The following PBX3 variants were observed in gnomAD, a reference collection of about 807,000 sequenced individuals.
PBX3 encodes PBX homeobox 3.
PBX3 carries 14 observed loss-of-function variants against 48.5 expected under a neutral mutation model. The ratio of observed to expected loss-of-function variants is 0.29; its 90% CI spans 0.19 to 0.45. The LOEUF (loss-of-function observed/expected upper bound fraction) is 0.45, where lower values mean the gene tolerates loss of function less well. Among genes scored for constraint, PBX3 ranks in the 20% least tolerant of loss-of-function variants. PBX3 has a pLI of 1.00. For synonymous variants in PBX3, 210 were observed against 200.3 expected (o/e 1.05, Z -0.41); for missense variants, 386 against 546.7 (o/e 0.71, Z 2.93).
chr9:125,756,035 C>A (rs1283546167), intron 2 of PBX3, among the ~76,000 whole-genome samples: 2 of 151,906 alleles, frequency 1.3e-5, no homozygotes, highest in African/African-American at 4.8e-5. Flanking sequence ...AATTGAACTT[C>A]ACAAGGATAT....
chr9:125,952,060 G>C (rs1842206719), intron 5 of PBX3, among the ~76,000 whole-genome samples: 1 of 152,148 alleles, frequency 6.6e-6, no homozygotes, highest in South Asian at 2.1e-4. Flanking sequence ...GTTTGTTAGA[G>C]GTAAAATTGT....
intron 2 of PBX3, among the ~76,000 whole-genome samples, chr9:125,762,218 G>A (rs1836687696): frequency 6.6e-6 from 1 of 152,022 alleles, no homozygotes; most frequent in Admixed American, 6.5e-5. Flanking sequence ...GAACTGCAAA[G>A]CTGAGTACAA....
intron 5 of PBX3, among the ~76,000 whole-genome samples, chr9:125,942,864 A>G (rs1841985435): frequency 6.6e-6 from 1 of 152,226 alleles, no homozygotes; most frequent in Non-Finnish European, 1.5e-5. Context: ...AGCATGAAGT[A>G]CAGATGAGGC....
chr9:125,843,923 T>C (rs551721748), intron 2 of PBX3: 7 of 333,794 alleles, frequency 2.1e-5, no homozygotes, highest in African/African-American at 1.3e-4. Context: ...TGAGGTGAGA[T>C]TGAAGTGAAA....
intron 2 of PBX3, among the ~76,000 whole-genome samples, chr9:125,859,351 T>A (rs1839803907): frequency 6.6e-6 from 1 of 152,208 alleles, no homozygotes; most frequent in Non-Finnish European, 1.5e-5. Context: ...TATCCCTTCT[T>A]TTGCCATTGA....
At chr9:125,771,381 A>G (rs929497289) in intron 2 of PBX3, among the ~76,000 whole-genome samples, 6 of 152,222 alleles carry the variant, frequency 3.9e-5, no homozygotes, top group Non-Finnish European at 7.3e-5. Flanking sequence ...AGAAGTTTCA[A>G]TGGTTATTTA....
At position 125,925,765 on chromosome 9, in the gene PBX3, A is replaced by C. The variant is rs1841561102; in HGVS notation, c.517-3890A>C. 2.0e-5 allele frequency among the ~76,000 whole-genome samples: 3 copies of C among 152,342 alleles called. No individual in the cohort carries two copies. In the South Asian group the frequency reaches 6.2e-4, roughly 32 times the overall value. On this transcript the variant is annotated intron_variant, in intron 3 of 8. Coordinates refer to ENST00000373489, the MANE Select transcript of PBX3 (RefSeq NM_006195.6). ...TTTTAATATGGCTACTGAGAATTTA[A>C]AAATTTAATATGTGGCTCACAATGT... is the stretch of plus-strand genomic sequence containing the variant.
intron 2 of PBX3, among the ~76,000 whole-genome samples, chr9:125,890,697 T>C (rs533068700): frequency 1.3e-5 from 2 of 152,348 alleles, no homozygotes; most frequent in East Asian, 3.9e-4. Context: ...TATTGTGCAG[T>C]ATTTCTACAA....
In PBX3 at chr9:125,965,693, C is replaced by A. The variant is rs1367341815; in HGVS notation, c.1213-138C>A. 11 of 671,924 alleles carry A rather than the reference C, an allele frequency of 1.6e-5. No individual in the cohort carries two copies. The Admixed American group carries it at 2.2e-4, about 14-fold the overall frequency. The allele number at this position is 671,924 out of a possible 1,614,324, so 41.6% of individuals were successfully genotyped here. On this transcript the variant is annotated intron_variant, in intron 8 of 8. Transcript: ENST00000373489. ...TTAATCCCACTTTAACACATGCTGC[C>A]AACTCCTGCCACAGTGGGTTTAGAA...
chr9:125,826,748 GAC>G (rs756492589), intron 2 of PBX3, among the ~76,000 whole-genome samples: 2 of 152,032 alleles, frequency 1.3e-5, no homozygotes, highest in Admixed American at 6.6e-5. Context: ...TTTTTTAATT[GAC>G]ACATAATATT....
At chr9:125,855,305 T>C (rs10819080) in intron 2 of PBX3, among the ~76,000 whole-genome samples, 3,034 of 152,246 alleles carry the variant, frequency 0.02, 169 homozygotes, top group East Asian at 0.17. Flanking sequence ...TATTAACTTT[T>C]TTTTACAGTG....
intron 5 of PBX3, among the ~76,000 whole-genome samples, chr9:125,947,368 T>C (rs557352599): frequency 1.3e-5 from 2 of 152,274 alleles, no homozygotes; most frequent in East Asian, 1.9e-4. Flanking sequence ...TTATAAGTTA[T>C]GAGAGGAGAG....
chr9:125,747,946 A>G (rs1588111247), intron 1 of PBX3, among the ~76,000 whole-genome samples: 1 of 146,864 alleles, frequency 6.8e-6, no homozygotes, highest in Non-Finnish European at 1.5e-5. Context: ...AGGGATTTAA[A>G]CCTCCCGCCC....
At chr9:125,786,152 A>G (rs1235749771) in intron 2 of PBX3, among the ~76,000 whole-genome samples, 3 of 152,200 alleles carry the variant, frequency 2.0e-5, no homozygotes, top group Non-Finnish European at 4.4e-5. Context: ...TTGAGGTACT[A>G]TGAGAAGGCC....
At chr9:125,767,382 T>C (rs1415547772) in intron 2 of PBX3, among the ~76,000 whole-genome samples, 4 of 152,218 alleles carry the variant, frequency 2.6e-5, no homozygotes, top group Non-Finnish European at 5.9e-5. Flanking sequence ...GTGAATAGTT[T>C]ATTCTGATTT....
chr9:125,783,507 C>G (rs540676829), intron 2 of PBX3, among the ~76,000 whole-genome samples: 3 of 151,966 alleles, frequency 2.0e-5, no homozygotes, highest in African/African-American at 7.3e-5. Context: ...AGGCTGGTTT[C>G]GAACTCCTGA....
At chr9:125,784,245 C>T (rs1837401109) in intron 2 of PBX3, among the ~76,000 whole-genome samples, 1 of 152,174 alleles carries the variant, frequency 6.6e-6, no homozygotes, top group African/African-American at 2.4e-5. Flanking sequence ...TCTTGTGCTT[C>T]AGCCTCCCGA....
At chr9:125,895,097 C>T (rs1840739115) in intron 2 of PBX3, among the ~76,000 whole-genome samples, 1 of 152,002 alleles carries the variant, frequency 6.6e-6, no homozygotes, top group South Asian at 2.1e-4. Flanking sequence ...AATTTTGATT[C>T]TCTAAGATTT....
intron 2 of PBX3, among the ~76,000 whole-genome samples, chr9:125,886,799 TACAACTTGAACA>T (rs1457826110): frequency 6.6e-6 from 1 of 151,276 alleles, no homozygotes; most frequent in Admixed American, 6.6e-5. Flanking sequence ...GTGTGAAAAT[TACAACTTGAACA>T]ACATTTCTGA....
Sources: allele counts gnomAD v4.1 joint callset (sites outside exome capture counted in the v4.1 genomes callset), GRCh38; gene constraint gnomAD v4.1.1; transcripts MANE v1.5; gene names NCBI Gene and HGNC (gene_info 2026-07-23, HGNC 2026-07-21).